The following LMAN2L variants were observed in gnomAD, a reference collection of about 807,000 sequenced individuals.
The protein encoded by LMAN2L is VIP36-like protein.
LMAN2L carries 30 observed loss-of-function variants against 44.3 expected under a neutral mutation model. The observed-to-expected ratio is 0.68, with a 90% confidence interval of 0.51 to 0.92. LMAN2L has a LOEUF of 0.92. Ranked by LOEUF, LMAN2L falls within the 40% of genes least tolerant of loss-of-function variation. The pLI is 0.00. For missense variants in LMAN2L, 429 were observed against 446.1 expected, an observed-to-expected ratio of 0.96 and a Z score of 0.35; for synonymous variants, 183 against 171.1, an observed-to-expected ratio of 1.07 and a Z score of -0.54.
At chr2:96,735,497 C>G (rs2078494294) in intron 2 of LMAN2L, among the ~76,000 whole-genome samples, 1 of 152,258 alleles carries the variant, frequency 6.6e-6, no homozygotes, top group Non-Finnish European at 1.5e-5. Flanking sequence ...TTGAGCCAGT[C>G]TCTGTCTTGT....
At position 96,707,329 on chromosome 2, in the gene LMAN2L, G is replaced by GA. The variant is rs752791897; in HGVS notation, c.973dup (p.Ser325PhefsTer48). The GA allele has an allele frequency of 9.3e-6, 15 of 1,613,958 alleles. No homozygotes were observed. The highest frequency in any genetic ancestry group is 1.2e-5 in the Non-Finnish European group (14 of 1,179,984). On this transcript the variant is annotated frameshift_variant, in exon 8 of 8. Transcript: ENST00000264963. LOFTEE classifies it high-confidence loss of function. Reference sequence around the variant, plus strand: ...GATACCAATGACTATGGCAAATACAGAAAACACCAGGGAGAAAAAGACGAT... The same window carrying GA: ...GATACCAATGACTATGGCAAATACAGAAAAACACCAGGGAGAAAAAGACGAT...
chr2:96,707,241 T>C lies in LMAN2L; in HGVS notation c.*15A>G. The C allele has an allele frequency of 1.9e-6, 3 of 1,612,110 alleles. No homozygotes were observed. The highest frequency in any genetic ancestry group is 2.2e-5 in the South Asian group (2 of 90,804). ...TCATGGGTGACAGTCACAAAAGTGG[T>C]GGCAGCAGGAGGGCTCAGTAGAAGC... is the stretch of plus-strand genomic sequence containing the variant. On this transcript the variant is annotated 3_prime_UTR_variant, in exon 8 of 8. Coordinates refer to ENST00000264963, the MANE Select transcript of LMAN2L (RefSeq NM_030805.4).
In LMAN2L at chr2:96,706,839, G is replaced by A. The variant is rs2077792721; in HGVS notation, c.*417C>T. 6.5e-6 allele frequency: 1 copy of A among 153,232 alleles called. No homozygotes were observed. The highest frequency in any genetic ancestry group is 1.5e-5 in the Non-Finnish European group (1 of 68,748). The allele number at this position is 153,232 out of a possible 1,614,324, so 9.5% of individuals were successfully genotyped here. A position where few individuals can be genotyped will look rare whatever the true frequency, so the allele number is the denominator to read the frequency against. On this transcript the variant is annotated 3_prime_UTR_variant, in exon 8 of 8. Transcript: ENST00000264963. ...AAATGCAAAACCCAACGAATGGATG[G>A]TCAGAAAGCCTGTGGTGTTACCAGT...
intron 4 of LMAN2L, among the ~76,000 whole-genome samples, chr2:96,730,021 C>A (rs540203419): frequency 4.6e-5 from 7 of 152,182 alleles, no homozygotes; most frequent in African/African-American, 1.7e-4. Context: ...AAGTAAGAAC[C>A]ACAATAGCTA....
chr2:96,716,378 T>C (rs960097771), intron 4 of LMAN2L, among the ~76,000 whole-genome samples: 1 of 152,104 alleles, frequency 6.6e-6, no homozygotes, highest in Admixed American at 6.6e-5. Context: ...GTGAAAACTC[T>C]GTTACCACAC....
chr2:96,717,108 C>T (rs2078054634), intron 4 of LMAN2L, among the ~76,000 whole-genome samples: 1 of 151,436 alleles, frequency 6.6e-6, no homozygotes, highest in African/African-American at 2.4e-5. Context: ...TTTTTAAACA[C>T]ACACACACAC....
chr2:96,726,491 G>T (rs2078274461), intron 4 of LMAN2L, among the ~76,000 whole-genome samples: 1 of 151,754 alleles, frequency 6.6e-6, no homozygotes, highest in African/African-American at 2.4e-5. Context: ...TGTTAGCCGT[G>T]GGTTTTTCTA....
chr2:96,731,374 C>T (rs1032710333), intron 4 of LMAN2L, among the ~76,000 whole-genome samples: 5 of 152,186 alleles, frequency 3.3e-5, no homozygotes, highest in Non-Finnish European at 7.3e-5. Flanking sequence ...GCTCGCTGGG[C>T]ACAGTGGCTC....
In LMAN2L at chr2:96,731,532, G is replaced by C. The variant is rs180684760; in HGVS notation, c.507+1987C>G. Among the ~76,000 whole-genome samples the C allele has an allele frequency of 2.5e-3, 385 of 152,094 alleles. 2 individuals carry two copies. The highest frequency in any genetic ancestry group is 0.024 in the South Asian group (117 of 4,826). ...GTGGTGGCGTGTGCCTATAATCCCA[G>C]CTACTCAGGAGGCTGAGGCAGGAGA... On this transcript the variant is annotated intron_variant, in intron 4 of 7. Transcript: ENST00000264963.
chr2:96,711,616 G>C, intron 6 of LMAN2L, 40 bp downstream of exon 6: 1 of 1,330,488 alleles, frequency 7.5e-7, no homozygotes, highest in East Asian at 2.3e-5. Flanking sequence ...ATTGAGAAGA[G>C]GCCTCAGTCA....
At chr2:96,736,715 T>C (rs1000299277) in intron 2 of LMAN2L, among the ~76,000 whole-genome samples, 2 of 152,248 alleles carry the variant, frequency 1.3e-5, no homozygotes, top group Non-Finnish European at 2.9e-5. Flanking sequence ...GAAGCTCATT[T>C]ATCAGATAGA....
At chr2:96,720,228 G>A (rs1394870402) in intron 4 of LMAN2L, among the ~76,000 whole-genome samples, 1 of 152,030 alleles carries the variant, frequency 6.6e-6, no homozygotes, top group Admixed American at 6.6e-5. Flanking sequence ...GCCTCCCCAG[G>A]GGTGAGGCCC....
chr2:96,713,013 C>T (rs990976703), intron 4 of LMAN2L: 2 of 1,074,058 alleles, frequency 1.9e-6, no homozygotes, highest in Non-Finnish European at 1.4e-6. Context: ...AGACCGGGGA[C>T]TCCTGAGACA....
At chr2:96,719,895 T>A (rs2078115373) in intron 4 of LMAN2L, among the ~76,000 whole-genome samples, 1 of 152,176 alleles carries the variant, frequency 6.6e-6, no homozygotes, top group Non-Finnish European at 1.5e-5. Flanking sequence ...CCTGGCATGA[T>A]GGCCACCTGT....
Position 96,707,483 on chromosome 2 carries a change from G to A in LMAN2L, c.905-85C>T, listed in dbSNP as rs2077810174. 22 of 1,438,084 alleles carry A rather than the reference G, an allele frequency of 1.5e-5. 2 individuals carry two copies. The South Asian group carries it at 2.4e-4, about 15-fold the overall frequency. 89.1% of individuals were successfully genotyped at this position (1,438,084 alleles called of 1,614,324 possible). ...CAAACTATAGGCTGTCCGGCCCCCA[G>A]TTTCTGACACCTACTTCTGGGAAGC... On this transcript the variant is annotated intron_variant, in intron 7 of 7. Coordinates refer to ENST00000264963, the MANE Select transcript of LMAN2L (RefSeq NM_030805.4).
At chr2:96,726,595 AAACAT>A (rs1395814919) in intron 4 of LMAN2L, among the ~76,000 whole-genome samples, 3 of 151,098 alleles carry the variant, frequency 2.0e-5, no homozygotes, top group Non-Finnish European at 4.4e-5. Context: ...CCAGCCTGGC[AAACAT>A]GGCAAACTCC....
At chr2:96,715,896 T>C (rs1002943606) in intron 4 of LMAN2L, among the ~76,000 whole-genome samples, 2 of 152,324 alleles carry the variant, frequency 1.3e-5, no homozygotes, top group East Asian at 1.9e-4. Flanking sequence ...TGAGATTCTA[T>C]TTCCTCACTG....
intron 4 of LMAN2L, among the ~76,000 whole-genome samples, chr2:96,722,263 C>A (rs193135909): frequency 6.6e-6 from 1 of 152,068 alleles, no homozygotes; most frequent in African/African-American, 2.4e-5. Flanking sequence ...CCACCGCACC[C>A]GGCCTGTGTA....
At chr2:96,736,181 G>T (rs1459804710) in intron 2 of LMAN2L, among the ~76,000 whole-genome samples, 3 of 152,156 alleles carry the variant, frequency 2.0e-5, no homozygotes, top group African/African-American at 7.2e-5. Flanking sequence ...ATACTGTTTT[G>T]CTCAGGACCA....
Sources: gnomAD v4.1 joint callset for allele counts (sites outside exome capture counted in the v4.1 genomes callset) on GRCh38, gnomAD v4.1.1 for gene constraint, MANE v1.5 for transcripts, NCBI Gene and HGNC (gene_info 2026-07-23, HGNC 2026-07-21) for gene names.